FAM53A: variants seen among roughly 807,000 people sequenced by gnomAD.
The protein encoded by FAM53A is family with sequence similarity 53 member A.
In FAM53A, 28 loss-of-function variants were observed where a neutral mutation model predicts 26.6. That is an observed-to-expected ratio of 1.05 (90% CI 0.78 to 1.45). The LOEUF is 1.45. Ranked by LOEUF, FAM53A falls within the 40% of genes most tolerant of loss-of-function variation. FAM53A has a pLI of 0.00. For synonymous variants in FAM53A, 290 were observed against 253.1 expected, an observed-to-expected ratio of 1.15 and a Z score of -1.38; for missense variants, 650 against 575.8, an observed-to-expected ratio of 1.13 and a Z score of -1.32.
At chr4:1,606,345 T>C in the FAM53A span, among the ~76,000 whole-genome samples, 48 of 151,910 alleles carry the variant, frequency 3.2e-4, 1 homozygote, top group South Asian at 9.0e-3. Flanking sequence ...GCACCCGGCC[T>C]CCTATGACTC....
chr4:1,635,009 G>A (rs1219965963), downstream of FAM53A, among the ~76,000 whole-genome samples: 2 of 152,106 alleles, frequency 1.3e-5, no homozygotes, highest in Non-Finnish European at 2.9e-5. Flanking sequence ...CTATTTACAG[G>A]TTCTCTTTCT....
intron 1 of FAM53A, among the ~76,000 whole-genome samples, chr4:1,633,604 CAAG>C (rs1448013060): frequency 6.6e-6 from 1 of 151,916 alleles, no homozygotes; most frequent in African/African-American, 2.4e-5. Flanking sequence ...GAATTGGAAA[CAAG>C]AAGAATGGGT....
At chr4:1,671,837 C>T (rs10025841) in intron 1 of FAM53A, among the ~76,000 whole-genome samples, 134,681 of 152,300 alleles carry the variant, frequency 0.88, 61,532 homozygotes, top group Non-Finnish European at 1. Flanking sequence ...AGCAGCCACA[C>T]TATAACTTGA....
At chr4:1,575,882 G>C in the FAM53A span, among the ~76,000 whole-genome samples, 1 of 152,140 alleles carries the variant, frequency 6.6e-6, no homozygotes, top group Non-Finnish European at 1.5e-5. Flanking sequence ...ACAGTCCACT[G>C]AGCCTGGGGT....
the FAM53A span, among the ~76,000 whole-genome samples, chr4:1,607,433 T>C: frequency 6.6e-6 from 1 of 152,110 alleles, no homozygotes; most frequent in African/African-American, 2.4e-5. Flanking sequence ...ACCTGTAGCA[T>C]GGGACCTCGT....
chr4:1,642,044 C>T (rs960651050), intron 4 of FAM53A, among the ~76,000 whole-genome samples: 14 of 152,088 alleles, frequency 9.2e-5, no homozygotes, highest in Non-Finnish European at 2.9e-5. Flanking sequence ...CACCCAGGGC[C>T]GCTCTCAGCA....
intron 1 of FAM53A, chr4:1,683,430 T>C (rs1023531357): frequency 3.9e-5 from 6 of 152,128 alleles, no homozygotes; most frequent in African/African-American, 1.4e-4. Flanking sequence ...TTAAGACTAG[T>C]CAAGTGCAGT....
At position 1,663,022 on chromosome 4, in the gene FAM53A, G is replaced by A. The variant is rs868088199; in HGVS notation, c.76-5554C>T. On this transcript the variant is annotated intron_variant, in intron 2 of 4. Transcript: ENST00000308132. ...ATCCTTGCCAACACGGTGAAACCCC[G>A]GCTCTACTAAAAAAAAAATACAAAA... Among the ~76,000 whole-genome samples the A allele has an allele frequency of 4.8e-4, 38 of 79,828 alleles. 1 individual carries two copies. The highest frequency in any genetic ancestry group is 8.2e-4 in the Admixed American group (5 of 6,080). 52.4% of individuals were successfully genotyped at this position (79,828 alleles called of 152,430 possible). A position where few individuals can be genotyped will look rare whatever the true frequency, so the allele number is the denominator to read the frequency against.
the FAM53A span, among the ~76,000 whole-genome samples, chr4:1,582,171 C>T: frequency 2.0e-5 from 3 of 152,228 alleles, no homozygotes; most frequent in Admixed American, 6.5e-5. Flanking sequence ...AGCAAGGAGA[C>T]GCCATTCTCA....
At chr4:1,667,943 C>T (rs1315737339) in intron 2 of FAM53A, among the ~76,000 whole-genome samples, 3 of 152,130 alleles carry the variant, frequency 2.0e-5, no homozygotes, top group African/African-American at 7.2e-5. Context: ...TCAAGCTGCC[C>T]GCAGGAAGCT....
At position 1,640,887 on chromosome 4, in the gene FAM53A, T is replaced by C. The variant is rs978880873; in HGVS notation, c.*406A>G. 7 of 394,938 alleles carry C rather than the reference T, an allele frequency of 1.8e-5. No homozygotes were observed. Among genetic ancestry groups the C allele is most frequent in the African/African-American group, 1.7e-4 (7 of 40,236 alleles). The allele number at this position is 394,938 out of a possible 1,614,324, so 24.5% of individuals were successfully genotyped here. A position where few individuals can be genotyped will look rare whatever the true frequency, so the allele number is the denominator to read the frequency against. The stretch of plus-strand genomic sequence containing the variant: ...AACCTACTCTGTGCCCTGGGGCAGG[T>C]GCAGGCAGCAGCCATGGCCCCGACC... On this transcript the variant is annotated 3_prime_UTR_variant, in exon 5 of 5. Coordinates refer to ENST00000308132, the MANE Select transcript of FAM53A (RefSeq NM_001174070.3).
Position 1,623,179 on chromosome 4 carries a change from C to A in FAM53A, c.432-5068G>T, listed in dbSNP as rs140416060. On this transcript the variant is annotated intron_variant, in intron 1 of 1. Transcript: ENST00000489029. Reference sequence around the variant, plus strand: ...CAGCAGTCCACGGCCAGGGCCCTGGCATGCCCGCTCCAGGACGGGGACATC... The same window carrying A: ...CAGCAGTCCACGGCCAGGGCCCTGGAATGCCCGCTCCAGGACGGGGACATC... 5.4e-3 allele frequency among the ~76,000 whole-genome samples: 815 copies of A among 152,330 alleles called. 11 individuals carry two copies. The highest frequency in any genetic ancestry group is 0.019 in the African/African-American group (787 of 41,582).
the FAM53A span, among the ~76,000 whole-genome samples, chr4:1,578,410 C>G: frequency 7.3e-6 from 1 of 136,872 alleles, no homozygotes; most frequent in South Asian, 2.2e-4. Flanking sequence ...GACAGCGGTG[C>G]GTGCGCTAGT....
chr4:1,596,929 G>A, the FAM53A span, among the ~76,000 whole-genome samples: 1 of 152,114 alleles, frequency 6.6e-6, no homozygotes, highest in African/African-American at 2.4e-5. Flanking sequence ...ACAGCCCCTG[G>A]CAGGTGGGAA....
chr4:1,645,323 C>T (rs1395497885), intron 4 of FAM53A, among the ~76,000 whole-genome samples: 1 of 152,238 alleles, frequency 6.6e-6, no homozygotes, highest in Admixed American at 6.5e-5. Flanking sequence ...GTGAGAAGCA[C>T]CGGGACCCTA....
At chr4:1,634,704 C>T (rs1054570239) in intron 1 of FAM53A, among the ~76,000 whole-genome samples, 1 of 151,676 alleles carries the variant, frequency 6.6e-6, no homozygotes, top group Non-Finnish European at 1.5e-5. Context: ...TCAAGACCAG[C>T]CTGGCCAACA....
intron 4 of FAM53A, among the ~76,000 whole-genome samples, chr4:1,650,382 T>TG (rs1712668161): frequency 2.1e-5 from 2 of 97,180 alleles, no homozygotes; most frequent in Non-Finnish European, 4.3e-5. Flanking sequence ...ACAGGTGTGG[T>TG]GTTTGTGAGG....
chr4:1,672,521 A>G (rs576758097), intron 1 of FAM53A, among the ~76,000 whole-genome samples: 2 of 152,280 alleles, frequency 1.3e-5, no homozygotes, highest in East Asian at 3.9e-4. Context: ...CACTTGACCA[A>G]TGTCCCAACA....
downstream of FAM53A, among the ~76,000 whole-genome samples, chr4:1,615,428 AG>A (rs1483545943): frequency 2.0e-5 from 3 of 148,312 alleles, no homozygotes; most frequent in East Asian, 6.2e-4. Flanking sequence ...CATGGAAGAC[AG>A]GATGCGGCCA....
Sources: allele counts gnomAD v4.1 joint callset (sites outside exome capture counted in the v4.1 genomes callset), GRCh38; gene constraint gnomAD v4.1.1; transcripts MANE v1.5; gene names NCBI Gene and HGNC (gene_info 2026-07-23, HGNC 2026-07-21).